Variants in ADCY1 observed in about 807,000 individuals in gnomAD.
ADCY1 encodes the protein adenylate cyclase type 1.
Under a neutral mutation model 105.4 loss-of-function variants are expected in ADCY1, and 28 were observed. The observed-to-expected ratio is 0.27, with a 90% CI of 0.20 to 0.36. ADCY1 has a LOEUF of 0.36. ADCY1 is among the 10% of genes least tolerant of loss of function. The pLI is 1.00. For missense variants in ADCY1, 977 were observed against 1,434.2 expected, an observed-to-expected ratio of 0.68 and a Z score of 5.15; for synonymous variants, 655 against 623.8, an observed-to-expected ratio of 1.05 and a Z score of -0.75.
chr7:45,628,720 C>A (rs2115958194), intron 4 of ADCY1, among the ~76,000 whole-genome samples: 1 of 152,334 alleles, frequency 6.6e-6, no homozygotes, highest in African/African-American at 2.4e-5. Flanking sequence ...CTGTCTTCTG[C>A]AACCTGGCAT....
intron 10 of ADCY1, among the ~76,000 whole-genome samples, chr7:45,678,688 T>C (rs1045530018): frequency 7.0e-6 from 1 of 142,550 alleles, no homozygotes; most frequent in African/African-American, 2.7e-5. Context: ...AAGACCAGCC[T>C]GAGCAATATA....
chr7:45,594,007 G>T (rs1395978550), intron 2 of ADCY1, among the ~76,000 whole-genome samples: 1 of 152,210 alleles, frequency 6.6e-6, no homozygotes, highest in Non-Finnish European at 1.5e-5. Flanking sequence ...GTGGATATGT[G>T]CATATTTGCC....
chr7:45,583,280 A>C (rs906442730), intron 1 of ADCY1, among the ~76,000 whole-genome samples: 3 of 152,198 alleles, frequency 2.0e-5, no homozygotes, highest in African/African-American at 4.8e-5. Flanking sequence ...TGTGCATACA[A>C]GTGCAAGAGC....
At chr7:45,583,581 G>A (rs563627017) in intron 1 of ADCY1, among the ~76,000 whole-genome samples, 1 of 152,346 alleles carries the variant, frequency 6.6e-6, no homozygotes, top group Non-Finnish European at 1.5e-5. Flanking sequence ...CTGAGAAAAT[G>A]CAGATGCATG....
At chr7:45,637,964 G>C (rs773406311) in intron 4 of ADCY1, among the ~76,000 whole-genome samples, 7 of 152,102 alleles carry the variant, frequency 4.6e-5, no homozygotes, top group Admixed American at 6.5e-5. Flanking sequence ...ACCATCAACT[G>C]TCTTTCTTTG....
chr7:45,688,048 C>T (rs1244047516), intron 14 of ADCY1, among the ~76,000 whole-genome samples: 1 of 152,156 alleles, frequency 6.6e-6, no homozygotes, highest in Non-Finnish European at 1.5e-5. Flanking sequence ...GGAAGCCTGT[C>T]AATTTTTTGT....
Position 45,721,877 on chromosome 7 carries a change from T to C in ADCY1, c.*7882T>C. 2.5e-6 allele frequency: 1 copy of C among 398,662 alleles called. No individual in the cohort carries two copies. Among genetic ancestry groups the C allele is most frequent in the Non-Finnish European group, 4.4e-6 (1 of 226,090 alleles). The allele number at this position is 398,662 out of a possible 1,614,324, so 24.7% of individuals were successfully genotyped here. A position where few individuals can be genotyped will look rare whatever the true frequency, so the allele number is the denominator to read the frequency against. ...TGCTTTCAAAAGAGCTTTCAGGCAC[T>C]TATTGAGAATTAATGTTTAAACAGA... On this transcript the variant is annotated 3_prime_UTR_variant, in exon 20 of 20. Transcript: ENST00000297323.
At chr7:45,672,443 C>T (rs1229469917) in intron 8 of ADCY1, among the ~76,000 whole-genome samples, 1 of 145,484 alleles carries the variant, frequency 6.9e-6, no homozygotes, top group Admixed American at 6.8e-5. Flanking sequence ...TTTGCATGAA[C>T]GTGGTATGCC....
In ADCY1 at chr7:45,710,066, A is replaced by G. The variant is rs945979928; in HGVS notation, c.2933-462A>G. 6.6e-6 allele frequency among the ~76,000 whole-genome samples: 1 copy of G among 152,204 alleles called. No individual in the cohort carries two copies. Among genetic ancestry groups the G allele is most frequent in the Non-Finnish European group, 1.5e-5 (1 of 68,024 alleles). On this transcript the variant is annotated intron_variant, in intron 18 of 19. Transcript: ENST00000297323. The surrounding 1 kb of genome is among the most constrained non-coding windows in gnomAD (Gnocchi z 4.7). ...TGCTTAGTTATGGGGCCCATACTCT[A>G]AAATAGCCATAAGGTCACATTCTGA...
chr7:45,640,527 A>C (rs1794504135), intron 4 of ADCY1, among the ~76,000 whole-genome samples: 1 of 152,214 alleles, frequency 6.6e-6, no homozygotes, highest in Admixed American at 6.5e-5. Context: ...GTTTTGTTTA[A>C]AATGTCGAGG....
chr7:45,588,553 A>G (rs1047675558), intron 1 of ADCY1, among the ~76,000 whole-genome samples: 1 of 152,220 alleles, frequency 6.6e-6, no homozygotes, highest in Non-Finnish European at 1.5e-5. Flanking sequence ...ACACGAGTTC[A>G]TCCTGGTGCC....
chr7:45,705,966 A>C (rs984512481), intron 17 of ADCY1, among the ~76,000 whole-genome samples: 1 of 152,234 alleles, frequency 6.6e-6, no homozygotes, highest in Admixed American at 6.5e-5. Context: ...GTAGTAGCCA[A>C]AAAATGAAAT....
In ADCY1 at chr7:45,710,760, A is replaced by C. The variant is rs1181683984; in HGVS notation, c.3057+108A>C. The C allele has an allele frequency of 7.2e-7, 1 of 1,398,264 alleles. No homozygotes were observed. The highest frequency in any genetic ancestry group is 9.5e-7 in the Non-Finnish European group (1 of 1,049,160). The allele number at this position is 1,398,264 out of a possible 1,614,324, so 86.6% of individuals were successfully genotyped here. ...CCCCAGTCTACAGCCCGTAAGTGGC[A>C]GGGCAGAAAGAGCTGCATATTTCGG... On this transcript the variant is annotated intron_variant, in intron 19 of 19. Transcript: ENST00000297323. This position sits in a 1 kb window ranked among gnomAD's most constrained non-coding sequence, Gnocchi z 4.7.
intron 5 of ADCY1, among the ~76,000 whole-genome samples, chr7:45,655,208 C>T (rs1209887527): frequency 2.0e-5 from 3 of 152,224 alleles, no homozygotes; most frequent in Non-Finnish European, 4.4e-5. Flanking sequence ...GACTAGGTTT[C>T]AGCTCTGCCA....
At chr7:45,712,815 TTAG>T (rs1197323803) in intron 19 of ADCY1, among the ~76,000 whole-genome samples, 22 of 152,320 alleles carry the variant, frequency 1.4e-4, no homozygotes, top group African/African-American at 4.3e-4. Flanking sequence ...CTCATTGCAT[TTAG>T]TAGAAACTAT....
chr7:45,657,872 G>T lies in ADCY1; in HGVS notation c.1294G>T (p.Ala432Ser). Residue 432 changes from alanine (A) to serine (S), a missense_variant, in exon 6 of 20, where the codon GCT becomes TCT. Transcript: ENST00000297323. ...DVTLANVMEA[A>S]GLPGKVHITK... is the part of the protein sequence containing the mutation. ...GACCTTGGCCAATGTCATGGAAGCC[G>T]CTGGCCTGCCAGGGTAAGTCGGGGA... 5 of 1,611,462 alleles carry T rather than the reference G, an allele frequency of 3.1e-6. No homozygotes were observed. The highest frequency in any genetic ancestry group is 4.2e-6 in the Non-Finnish European group (5 of 1,179,082).
At chr7:45,709,077 C>T (rs998920789) in intron 18 of ADCY1, among the ~76,000 whole-genome samples, 5 of 152,050 alleles carry the variant, frequency 3.3e-5, no homozygotes, top group East Asian at 1.9e-4. Flanking sequence ...TGGTTGTTTT[C>T]GAATTCAAAC....
chr7:45,707,186 C>T (rs1342227210), intron 17 of ADCY1, among the ~76,000 whole-genome samples: 1 of 152,134 alleles, frequency 6.6e-6, no homozygotes, highest in East Asian at 1.9e-4. Context: ...CCATATGATC[C>T]AGCAATTGCA....
At position 45,582,685 on chromosome 7, in the gene ADCY1, C is replaced by T. The variant is rs573595675; in HGVS notation, c.639+7503C>T. Among the ~76,000 whole-genome samples, 12 of 152,258 alleles carry T rather than the reference C, an allele frequency of 7.9e-5. 1 individual carries two copies. In the South Asian group the frequency reaches 1.5e-3, roughly 18 times the overall value. ...CCTTTAACCCTTCAGCTCCCTGTGC[C>T]CTCTTCAGGCTGATCTGGGCTCTTC... On this transcript the variant is annotated intron_variant, in intron 1 of 19. Coordinates refer to ENST00000297323, the MANE Select transcript of ADCY1 (RefSeq NM_021116.4).
Sources: allele counts gnomAD v4.1 joint callset (sites outside exome capture counted in the v4.1 genomes callset), GRCh38; gene constraint gnomAD v4.1.1; non-coding constraint Gnocchi (gnomAD v3.1); transcripts MANE v1.5; gene names NCBI Gene and HGNC (gene_info 2026-07-23, HGNC 2026-07-21).